The following RPTOR variants were observed in gnomAD, a reference collection of about 807,000 sequenced individuals.
RPTOR encodes the protein regulatory associated protein of MTOR complex 1.
In RPTOR, 21 loss-of-function variants were observed where a neutral mutation model predicts 169.9. The observed-to-expected ratio is 0.12, with a 90% CI of 0.09 to 0.18. The LOEUF is 0.18. RPTOR is among the 10% of genes least tolerant of loss of function. The probability of loss-of-function intolerance (pLI) is 1.00; values close to 1 mark genes in which losing one functional copy is unlikely to be tolerated. For missense variants in RPTOR, 1,133 were observed against 1,855.9 expected, an observed-to-expected ratio of 0.61 and a Z score of 7.16; for synonymous variants, 732 against 753.2, an observed-to-expected ratio of 0.97 and a Z score of 0.46.
chr17:80,594,889 T>G (rs535021155), intron 1 of RPTOR, among the ~76,000 whole-genome samples: 1 of 152,310 alleles, frequency 6.6e-6, no homozygotes, highest in East Asian at 1.9e-4. Flanking sequence ...AACGAATCCC[T>G]TTTTTACTTT....
intron 11 of RPTOR, 114 bp from the exon 12 acceptor site, chr17:80,855,350 G>T (rs927765043): frequency 4.1e-6 from 3 of 739,412 alleles, no homozygotes; most frequent in South Asian, 1.6e-5. Context: ...TGAAGCAGCA[G>T]ACAGATCTGA....
At chr17:80,650,641 A>G (rs1029144751) in intron 3 of RPTOR, among the ~76,000 whole-genome samples, 2 of 152,242 alleles carry the variant, frequency 1.3e-5, no homozygotes, top group Admixed American at 6.5e-5. Context: ...ATGAGAGTTA[A>G]TGGACAGAAT....
At chr17:80,894,548 G>A (rs1311153321) in intron 20 of RPTOR, among the ~76,000 whole-genome samples, 1 of 152,200 alleles carries the variant, frequency 6.6e-6, no homozygotes, top group Non-Finnish European at 1.5e-5. Flanking sequence ...GATTGCTGTT[G>A]TAAAACAGGA....
chr17:80,545,444 C>A lies in RPTOR; in HGVS notation c.-186C>A. On this transcript the variant is annotated 5_prime_UTR_variant, in exon 1 of 34. Transcript: ENST00000306801. Reference sequence around the variant, plus strand: ...TAGCGGCCCCCACCTCCCCACTTCCCGCTCAGAGTTAGAGATAAGGATCTC... The same window carrying A: ...TAGCGGCCCCCACCTCCCCACTTCCAGCTCAGAGTTAGAGATAAGGATCTC... The A allele has an allele frequency of 2.1e-6, 1 of 476,294 alleles. No homozygotes were observed. Among genetic ancestry groups the A allele is most frequent in the South Asian group, 3.6e-5 (1 of 28,100 alleles). 29.5% of individuals were successfully genotyped at this position (476,294 alleles called of 1,614,324 possible). A position where few individuals can be genotyped will look rare whatever the true frequency, so the allele number is the denominator to read the frequency against.
At chr17:80,958,287 C>G (rs1399306937) in intron 29 of RPTOR, among the ~76,000 whole-genome samples, 1 of 149,072 alleles carries the variant, frequency 6.7e-6, no homozygotes, top group Non-Finnish European at 1.5e-5. Flanking sequence ...AAACAGGGGT[C>G]TCAGTATTTG....
chr17:80,652,543 T>C (rs1843002598), intron 3 of RPTOR, among the ~76,000 whole-genome samples: 1 of 152,124 alleles, frequency 6.6e-6, no homozygotes, highest in African/African-American at 2.4e-5. Flanking sequence ...TTGCTCAGGC[T>C]GGTCTTGAAC....
intron 20 of RPTOR, among the ~76,000 whole-genome samples, chr17:80,902,114 CCCTA>C (rs2068483691): frequency 6.6e-6 from 1 of 152,166 alleles, no homozygotes; most frequent in African/African-American, 2.4e-5. Context: ...CACAAGAATC[CCCTA>C]CCTCAATCCC....
intron 28 of RPTOR, 136 bp downstream of exon 28, chr17:80,949,683 G>A: frequency 1.4e-6 from 1 of 696,672 alleles, no homozygotes; most frequent in East Asian, 2.7e-5. Context: ...TAAAGCAACA[G>A]CTCCCCGCCA....
intron 3 of RPTOR, among the ~76,000 whole-genome samples, chr17:80,674,976 A>G (rs1042861834): frequency 1.3e-5 from 2 of 152,138 alleles, no homozygotes; most frequent in East Asian, 1.9e-4. Context: ...GTTGCTTCCA[A>G]CTAGGACTCA....
chr17:80,626,326 C>T (rs974155128), intron 2 of RPTOR, among the ~76,000 whole-genome samples: 9 of 148,128 alleles, frequency 6.1e-5, no homozygotes, highest in African/African-American at 2.3e-4. Flanking sequence ...ACTGGGATTA[C>T]AGGCCAATTT....
intron 7 of RPTOR, among the ~76,000 whole-genome samples, chr17:80,813,814 A>C (rs2067296629): frequency 6.6e-6 from 1 of 152,210 alleles, no homozygotes. Context: ...ACTGAATTTA[A>C]TCTGAGATGA....
rs772953730 is a variant in RPTOR, at chr17:80,959,224, G to C, written c.3478-854G>C. 6.6e-6 allele frequency among the ~76,000 whole-genome samples: 1 copy of C among 152,180 alleles called. No homozygotes were observed. Among genetic ancestry groups the C allele is most frequent in the African/African-American group, 2.4e-5 (1 of 41,444 alleles). On this transcript the variant is annotated intron_variant, in intron 29 of 33. Transcript: ENST00000306801. This position sits in a 1 kb window ranked among gnomAD's most constrained non-coding sequence, Gnocchi z 6.7. ...GCTTTCATGGCACCTTCTTTGGGGT[G>C]GGGGGGTCTTGCACCTGTCTGGAGC...
chr17:80,669,819 C>G lies in RPTOR; in HGVS notation c.348+26009C>G, dbSNP rs184407370. 2.0e-5 allele frequency among the ~76,000 whole-genome samples: 3 copies of G among 152,358 alleles called. No homozygotes were observed. In the East Asian group the frequency reaches 5.8e-4, roughly 29 times the overall value. ...GATCATCTCTCTTTCCTCTTCCCTT[C>G]CTTTTTTTCCTGATACTTCTGATAC... On this transcript the variant is annotated intron_variant, in intron 3 of 33. Transcript: ENST00000306801.
At chr17:80,613,490 G>T (rs1259831524) in intron 1 of RPTOR, among the ~76,000 whole-genome samples, 1 of 152,188 alleles carries the variant, frequency 6.6e-6, no homozygotes, top group Non-Finnish European at 1.5e-5. Flanking sequence ...TTCTTTTCTT[G>T]TGCTTATATT....
intron 20 of RPTOR, among the ~76,000 whole-genome samples, chr17:80,899,656 C>A (rs1288362285): frequency 6.6e-6 from 1 of 152,268 alleles, no homozygotes; most frequent in African/African-American, 2.4e-5. Context: ...CCCCTTGGCA[C>A]TTCCCCAACA....
intron 28 of RPTOR, among the ~76,000 whole-genome samples, chr17:80,952,394 G>A (rs77221286): frequency 0.017 from 2,626 of 152,298 alleles, 77 homozygotes; most frequent in African/African-American, 0.06. Flanking sequence ...CCGTGGAGCC[G>A]CAGAGGTTTC....
intron 12 of RPTOR, 71 bp from the exon 13 acceptor site, chr17:80,857,719 G>A (rs1246784767): frequency 6.2e-5 from 64 of 1,039,280 alleles, no homozygotes; most frequent in Admixed American, 4.7e-4. Flanking sequence ...AGCTGGTCCC[G>A]CGTGGCACCC....
chr17:80,594,849 A>G (rs757181100), intron 1 of RPTOR, among the ~76,000 whole-genome samples: 7 of 152,214 alleles, frequency 4.6e-5, no homozygotes, highest in Non-Finnish European at 1.0e-4. Flanking sequence ...AAGCTTAGAG[A>G]TGAACCCCTG....
At chr17:80,829,920 G>A (rs1219587422) in intron 9 of RPTOR, among the ~76,000 whole-genome samples, 1 of 152,280 alleles carries the variant, frequency 6.6e-6, no homozygotes, top group East Asian at 1.9e-4. Context: ...TGTTCTCTGG[G>A]GTAGGTTTTC....
Sources: allele counts gnomAD v4.1 joint callset (sites outside exome capture counted in the v4.1 genomes callset), GRCh38; gene constraint gnomAD v4.1.1; non-coding constraint Gnocchi (gnomAD v3.1); transcripts MANE v1.5; gene names NCBI Gene and HGNC (gene_info 2026-07-23, HGNC 2026-07-21).